The following SLC9A9 variants were observed in gnomAD, a reference collection of about 807,000 sequenced individuals.
SLC9A9 encodes solute carrier family 9 member A9, also known as sodium/hydrogen exchanger 9.
In SLC9A9, 62 loss-of-function variants were observed where a neutral mutation model predicts 77.8. The ratio of observed to expected loss-of-function variants is 0.80; its 90% CI spans 0.65 to 0.98. SLC9A9 has a LOEUF of 0.98. Among genes scored for constraint, SLC9A9 ranks in the 50% least tolerant of loss-of-function variants. The pLI, the probability that SLC9A9 is intolerant of heterozygous loss-of-function variation, is 0.00. For synonymous variants in SLC9A9, 320 were observed against 283.5 expected (o/e 1.13, Z -1.29); for missense variants, 775 against 774.9 (o/e 1.00, Z 0.00).
chr3:143,713,069 T>G (rs1235576405), intron 4 of SLC9A9, among the ~76,000 whole-genome samples: 1 of 152,070 alleles, frequency 6.6e-6, no homozygotes, highest in East Asian at 1.9e-4. Flanking sequence ...AAGTCACAAA[T>G]AGCTCAACAG....
chr3:143,728,595 G>T lies in SLC9A9; in HGVS notation c.534-35288C>A, dbSNP rs370484220. Among the ~76,000 whole-genome samples, 96 of 152,250 alleles carry T rather than the reference G, an allele frequency of 6.3e-4. 1 individual carries two copies. Among genetic ancestry groups the T allele is most frequent in the South Asian group, 1.7e-3 (8 of 4,820 alleles). On this transcript the variant is annotated intron_variant, in intron 4 of 15. Coordinates refer to ENST00000316549, the MANE Select transcript of SLC9A9 (RefSeq NM_173653.4). ...ATGGAATTTCAAGCAGCATGGGAAG[G>T]TGTGTGGCCTGTTTTTTCAGAAGGT...
At chr3:143,369,115 C>T (rs998908809) in intron 13 of SLC9A9, among the ~76,000 whole-genome samples, 36 of 152,158 alleles carry the variant, frequency 2.4e-4, no homozygotes, top group Admixed American at 1.2e-3. Flanking sequence ...ACCAGATGGG[C>T]TTGGCTCATG....
chr3:143,837,514 T>C (rs2009597375), intron 1 of SLC9A9, among the ~76,000 whole-genome samples: 1 of 152,176 alleles, frequency 6.6e-6, no homozygotes, highest in Non-Finnish European at 1.5e-5. Flanking sequence ...TAAGAAGATA[T>C]AGCCTCAAAC....
intron 4 of SLC9A9, among the ~76,000 whole-genome samples, chr3:143,751,411 C>T (rs1466427141): frequency 6.6e-6 from 1 of 152,108 alleles, no homozygotes; most frequent in Non-Finnish European, 1.5e-5. Context: ...TGGGGATTTC[C>T]TTGGTTGAAG....
intron 4 of SLC9A9, among the ~76,000 whole-genome samples, chr3:143,742,997 G>T (rs1935109753): frequency 6.6e-6 from 1 of 152,148 alleles, no homozygotes; most frequent in Admixed American, 6.5e-5. Flanking sequence ...GTCCTCTTCA[G>T]ATCATTTCAA....
intron 14 of SLC9A9, among the ~76,000 whole-genome samples, chr3:143,362,264 G>GGCTATAGAT: frequency 6.6e-6 from 1 of 152,276 alleles, no homozygotes; most frequent in African/African-American, 2.4e-5. Flanking sequence ...AAGGATATCT[G>GGCTATAGAT]GCTATAGATA....
Position 143,578,697 on chromosome 3 carries a change from T to C in SLC9A9, c.782A>G (p.Glu261Gly). The C allele has an allele frequency of 6.2e-7, 1 of 1,614,058 alleles. No individual in the cohort carries two copies. Residue 261 changes from glutamate to glycine, a missense_variant, in exon 7 of 16, where the codon GAG becomes GGG. Transcript: ENST00000316549. ...TGCGGCATCAAATGCATTTGGATTC[T>C]CCTTGGGACTGTAAATGGATATAGA... ...TYSISIYSPK[E>G]NPNAFDAAAF...
At chr3:143,810,386 C>A (rs115271829) in intron 2 of SLC9A9, among the ~76,000 whole-genome samples, 1 of 152,198 alleles carries the variant, frequency 6.6e-6, no homozygotes, top group African/African-American at 2.4e-5. Context: ...ACTAAAACAA[C>A]CATCCTAGTG....
intron 12 of SLC9A9, among the ~76,000 whole-genome samples, chr3:143,393,932 G>A (rs748653446): frequency 4.0e-5 from 6 of 151,354 alleles, no homozygotes; most frequent in South Asian, 2.1e-4. Context: ...AGACCAATAT[G>A]AGGCTCTGAA....
Position 143,723,339 on chromosome 3 carries a change from AGTTAG to A in SLC9A9, c.534-30037_534-30033del, listed in dbSNP as rs200017700. On this transcript the variant is annotated intron_variant, in intron 4 of 15. Coordinates refer to ENST00000316549, the MANE Select transcript of SLC9A9 (RefSeq NM_173653.4). Reference sequence around the variant, plus strand: ...TTTGATAAGACTTCTGCACACATGGAGTTAGACACCTTAGAGGCCGGTTTTCCTGG... The same window carrying A: ...TTTGATAAGACTTCTGCACACATGGAACACCTTAGAGGCCGGTTTTCCTGG... Among the ~76,000 whole-genome samples the A allele has an allele frequency of 4.3e-3, 660 of 152,282 alleles. 3 individuals are homozygous for A. Among genetic ancestry groups the A allele is most frequent in the Middle Eastern group, 6.8e-3 (2 of 294 alleles).
intron 9 of SLC9A9, among the ~76,000 whole-genome samples, chr3:143,507,008 A>G (rs1187283567): frequency 1.3e-5 from 2 of 152,026 alleles, no homozygotes; most frequent in Admixed American, 1.3e-4. Flanking sequence ...AAAGGTTAAC[A>G]GTCCCTTTTC....
At position 143,528,464 on chromosome 3, in the gene SLC9A9, G is replaced by C. The variant is rs2108619169; in HGVS notation, c.1089+23898C>G. Among the ~76,000 whole-genome samples, 2 of 152,292 alleles carry C rather than the reference G, an allele frequency of 1.3e-5. 1 individual carries two copies. The highest frequency in any genetic ancestry group is 6.8e-3 in the Middle Eastern group (2 of 294). ...GTACAGAAAGCAGAATTTGACTGCA[G>C]TGTGATAAGTGGGTGATCAACAAAT... On this transcript the variant is annotated intron_variant, in intron 9 of 15. Transcript: ENST00000316549.
At chr3:143,370,027 G>T (rs958266042) in intron 13 of SLC9A9, among the ~76,000 whole-genome samples, 2 of 152,210 alleles carry the variant, frequency 1.3e-5, no homozygotes, top group Non-Finnish European at 2.9e-5. Flanking sequence ...CTGACATCTT[G>T]ACTGCAACCT....
At chr3:143,831,614 C>T (rs1468212035) in intron 2 of SLC9A9, among the ~76,000 whole-genome samples, 2 of 152,276 alleles carry the variant, frequency 1.3e-5, no homozygotes, top group East Asian at 3.9e-4. Flanking sequence ...TTTTATTCTA[C>T]TCCATTTTCC....
intron 12 of SLC9A9, among the ~76,000 whole-genome samples, chr3:143,450,039 A>G (rs1164014625): frequency 1.8e-5 from 2 of 108,656 alleles, no homozygotes; most frequent in African/African-American, 3.7e-5. Flanking sequence ...ATATACATAT[A>G]TGTATATATA....
chr3:143,844,418 T>C (rs1296152896), intron 1 of SLC9A9, among the ~76,000 whole-genome samples: 1 of 152,168 alleles, frequency 6.6e-6, no homozygotes, highest in African/African-American at 2.4e-5. Flanking sequence ...GAAAAGCAGA[T>C]GGCAGAATAG....
At chr3:143,558,178 C>T (rs959008658) in intron 8 of SLC9A9, among the ~76,000 whole-genome samples, 15 of 152,174 alleles carry the variant, frequency 9.9e-5, no homozygotes, top group Admixed American at 3.3e-4. Context: ...GGAACCTCCA[C>T]CTAGATTTCA....
rs544680324 is a variant in SLC9A9, at chr3:143,623,612, G to A, written c.755+28643C>T. On this transcript the variant is annotated intron_variant, in intron 6 of 15. Coordinates refer to ENST00000316549, the MANE Select transcript of SLC9A9 (RefSeq NM_173653.4). ...CCAGAATCTCTGGGACACATTCAAAGCAGTGTGTAGAGGGAAATTTATAGC... is the reference window on the plus strand; with the variant it reads ...CCAGAATCTCTGGGACACATTCAAAACAGTGTGTAGAGGGAAATTTATAGC... Among the ~76,000 whole-genome samples, 142 of 152,166 alleles carry A rather than the reference G, an allele frequency of 9.3e-4. 1 individual carries two copies. Among genetic ancestry groups the A allele is most frequent in the African/African-American group, 3.2e-3 (133 of 41,508 alleles).
chr3:143,764,260 T>C (rs2007230972), intron 4 of SLC9A9, among the ~76,000 whole-genome samples: 1 of 152,200 alleles, frequency 6.6e-6, no homozygotes, highest in Non-Finnish European at 1.5e-5. Context: ...TAAGTCATGC[T>C]GTCTATGTCA....
Sources: allele counts gnomAD v4.1 joint callset (sites outside exome capture counted in the v4.1 genomes callset), GRCh38; gene constraint gnomAD v4.1.1; transcripts MANE v1.5; gene names NCBI Gene and HGNC (gene_info 2026-07-23, HGNC 2026-07-21).